RORB: variants seen among roughly 807,000 people sequenced by gnomAD.
RORB encodes RAR related orphan receptor B, also known as nuclear receptor ROR-beta.
A neutral mutation model predicts 59.1 loss-of-function variants in RORB; 6 were observed. The observed-to-expected ratio is 0.10, with a 90% CI of 0.06 to 0.20. The LOEUF (loss-of-function observed/expected upper bound fraction) is 0.20, where lower values mean the gene tolerates loss of function less well. Ranked by LOEUF, RORB falls within the 10% of genes least tolerant of loss-of-function variation. RORB has a pLI of 1.00. For synonymous variants in RORB, 215 were observed against 204.5 expected (o/e 1.05, Z -0.44); for missense variants, 320 against 560.5 (o/e 0.57, Z 4.33).
intron 4 of RORB, among the ~76,000 whole-genome samples, chr9:74,650,348 C>T (rs1377488919): frequency 2.6e-5 from 4 of 152,134 alleles, no homozygotes; most frequent in Non-Finnish European, 4.4e-5. Context: ...TTTCAAGCAC[C>T]CATTTTTGGA....
At chr9:74,569,581 G>A (rs1283071885) in intron 1 of RORB, among the ~76,000 whole-genome samples, 1 of 151,988 alleles carries the variant, frequency 6.6e-6, no homozygotes, top group East Asian at 1.9e-4. Context: ...AATAGCAAAT[G>A]TAAAAACCAG....
intron 1 of RORB, among the ~76,000 whole-genome samples, chr9:74,549,647 AAG>A (rs928069265): frequency 8.0e-5 from 12 of 150,664 alleles, no homozygotes; most frequent in Middle Eastern, 3.2e-3. Flanking sequence ...GAAAGAAAGA[AAG>A]AGAGAAGAGA....
chr9:74,626,492 G>T (rs1457982540), intron 1 of RORB, among the ~76,000 whole-genome samples: 1 of 152,098 alleles, frequency 6.6e-6, no homozygotes, highest in African/African-American at 2.4e-5. Context: ...TTGAAAAAAT[G>T]AAAAATGAAT....
chr9:74,688,808 A>G lies in RORB; in HGVS notation c.*3190A>G, dbSNP rs1357778386. Reference sequence around the variant, plus strand: ...TTGGTCTCATTTTCTAAACTCTGCTAAGAGCCAAATAATCTAGCTGTCCCA... The same window carrying G: ...TTGGTCTCATTTTCTAAACTCTGCTGAGAGCCAAATAATCTAGCTGTCCCA... On this transcript the variant is annotated 3_prime_UTR_variant, in exon 10 of 10. Coordinates refer to ENST00000376896, the MANE Select transcript of RORB (RefSeq NM_006914.4). The G allele has an allele frequency of 6.6e-6, 1 of 152,208 alleles. No individual in the cohort carries two copies. Among genetic ancestry groups the G allele is most frequent in the Non-Finnish European group, 1.5e-5 (1 of 68,038 alleles). 9.4% of individuals were successfully genotyped at this position (152,208 alleles called of 1,614,324 possible).
intron 4 of RORB, among the ~76,000 whole-genome samples, chr9:74,651,699 C>T (rs1823996366): frequency 6.6e-6 from 1 of 152,160 alleles, no homozygotes; most frequent in Admixed American, 6.5e-5. Context: ...TCCCCAAAAG[C>T]ACAAACTAAA....
At chr9:74,673,778 A>G (rs1013031390) in intron 9 of RORB, among the ~76,000 whole-genome samples, 7 of 152,228 alleles carry the variant, frequency 4.6e-5, no homozygotes, top group Non-Finnish European at 8.8e-5. Flanking sequence ...CTGAGAAAGC[A>G]TTAGAAGAGG....
rs1174725490 is a variant in RORB at position 74,659,210 on chromosome 9, C to T, written c.638-1407C>T. Among the ~76,000 whole-genome samples the T allele has an allele frequency of 2.0e-5, 3 of 152,254 alleles. No homozygotes were observed. In the East Asian group the frequency reaches 5.8e-4, roughly 29 times the overall value. On this transcript the variant is annotated intron_variant, in intron 4 of 9. Transcript: ENST00000376896. Reference sequence around the variant, plus strand: ...AAAATTTATTAGAAGCTTAAGTTTACAATTTTTTGTTCTCTACATCACTAA... The same window carrying T: ...AAAATTTATTAGAAGCTTAAGTTTATAATTTTTTGTTCTCTACATCACTAA...
chr9:74,611,816 T>A (rs1823236085), intron 1 of RORB, among the ~76,000 whole-genome samples: 1 of 152,064 alleles, frequency 6.6e-6, no homozygotes, highest in South Asian at 2.1e-4. Context: ...CCTGGCTAAC[T>A]TTTTTGTATT....
rs561009309 is a variant in RORB at position 74,692,712 on chromosome 9, A to G, written c.*7094A>G. 9.2e-5 allele frequency: 14 copies of G among 152,366 alleles called. No homozygotes were observed. Among genetic ancestry groups the G allele is most frequent in the African/African-American group, 3.4e-4 (14 of 41,596 alleles). The allele number at this position is 152,366 out of a possible 1,614,324, so 9.4% of individuals were successfully genotyped here. On this transcript the variant is annotated 3_prime_UTR_variant, in exon 10 of 10. Coordinates refer to ENST00000376896, the MANE Select transcript of RORB (RefSeq NM_006914.4). ...CTTTTTTAAAAGAATAATGTCTCTT[A>G]TAGTCACCATTGATTTTTCTGGAGT... is the stretch of plus-strand genomic sequence containing the variant.
In RORB at chr9:74,571,677, G is replaced by A. The variant is rs72729280; in HGVS notation, c.8-58605G>A. On this transcript the variant is annotated intron_variant, in intron 1 of 9. Coordinates refer to ENST00000376896, the MANE Select transcript of RORB (RefSeq NM_006914.4). ...GTGAACTAATTTTGTTTTAAACTTTGAGGTTAATTTTTTAAATGAGAGTTC... is the reference window on the plus strand; with the variant it reads ...GTGAACTAATTTTGTTTTAAACTTTAAGGTTAATTTTTTAAATGAGAGTTC... Among the ~76,000 whole-genome samples the A allele has an allele frequency of 1.5e-3, 229 of 152,114 alleles. 2 individuals carry two copies. The highest frequency in any genetic ancestry group is 2.5e-3 in the Non-Finnish European group (169 of 68,010).
chr9:74,657,662 G>A (rs965599126), intron 4 of RORB, among the ~76,000 whole-genome samples: 1 of 152,064 alleles, frequency 6.6e-6, no homozygotes, highest in Non-Finnish European at 1.5e-5. Flanking sequence ...ATAACTGTGG[G>A]CATTTATTGC....
Position 74,576,783 on chromosome 9 carries a change from T to C in RORB, c.8-53499T>C, listed in dbSNP as rs145469844. Among the ~76,000 whole-genome samples the C allele has an allele frequency of 3.2e-3, 491 of 152,238 alleles. 1 individual carries two copies. The highest frequency in any genetic ancestry group is 0.011 in the African/African-American group (468 of 41,548). ...AAGCCTTTTTTAAAGAACATTCTTA[T>C]ATAATAATGATAGCTAACACTTAAC... On this transcript the variant is annotated intron_variant, in intron 1 of 9. Transcript: ENST00000376896.
chr9:74,607,071 G>C (rs1232092423), intron 1 of RORB, among the ~76,000 whole-genome samples: 1 of 152,068 alleles, frequency 6.6e-6, no homozygotes, highest in South Asian at 2.1e-4. Flanking sequence ...GCAGCTTATA[G>C]CCACGTCTCC....
At chr9:74,622,184 T>C (rs901256796) in intron 1 of RORB, among the ~76,000 whole-genome samples, 2 of 152,204 alleles carry the variant, frequency 1.3e-5, no homozygotes, top group African/African-American at 2.4e-5. Flanking sequence ...AAGGTGATGC[T>C]GTGTAATCAC....
chr9:74,663,515 T>C (rs925249496), intron 6 of RORB, among the ~76,000 whole-genome samples: 2 of 152,242 alleles, frequency 1.3e-5, no homozygotes, highest in Admixed American at 6.5e-5. Flanking sequence ...CTCAAGTTGA[T>C]GAAAACCTTG....
chr9:74,648,892 C>T (rs1162200335), intron 4 of RORB, among the ~76,000 whole-genome samples: 1 of 152,094 alleles, frequency 6.6e-6, no homozygotes, highest in Non-Finnish European at 1.5e-5. Context: ...ACCTGTCCTC[C>T]CTAGTTCACT....
intron 1 of RORB, among the ~76,000 whole-genome samples, chr9:74,618,463 C>G (rs969946477): frequency 6.6e-6 from 1 of 152,146 alleles, no homozygotes; most frequent in Middle Eastern, 3.4e-3. Context: ...TTTCTTTTTT[C>G]TAAAACAAAG....
At chr9:74,671,079 G>GGAAGGAGAGAGT in intron 8 of RORB, among the ~76,000 whole-genome samples, 1 of 151,972 alleles carries the variant, frequency 6.6e-6, no homozygotes, top group African/African-American at 2.4e-5. Flanking sequence ...TAGGAAGGAA[G>GGAAGGAGAGAGT]GAAGGAGAGA....
chr9:74,656,523 G>A (rs1221426910), intron 4 of RORB, among the ~76,000 whole-genome samples: 1 of 152,202 alleles, frequency 6.6e-6, no homozygotes, highest in African/African-American at 2.4e-5. Flanking sequence ...ATCGCCTGAG[G>A]TCAAGAGTTC....
Sources: gnomAD v4.1 joint callset for allele counts (sites outside exome capture counted in the v4.1 genomes callset) on GRCh38, gnomAD v4.1.1 for gene constraint, MANE v1.5 for transcripts, NCBI Gene and HGNC (gene_info 2026-07-23, HGNC 2026-07-21) for gene names.